Variants in MBOAT2 observed in about 807,000 individuals in gnomAD.
MBOAT2 encodes the protein membrane-bound glycerophospholipid O-acyltransferase 2.
A neutral mutation model predicts 63.4 loss-of-function variants in MBOAT2; 28 were observed. That is an observed-to-expected ratio of 0.44 (90% CI 0.33 to 0.61). MBOAT2 has a LOEUF of 0.61. MBOAT2 is among the 20% of genes least tolerant of loss of function. MBOAT2 has a pLI of 0.03. For missense variants in MBOAT2, 470 were observed against 605.8 expected, an observed-to-expected ratio of 0.78 and a Z score of 2.35; for synonymous variants, 211 against 215.6, an observed-to-expected ratio of 0.98 and a Z score of 0.19.
chr2:8,930,312 T>C (rs1667226495), intron 3 of MBOAT2, among the ~76,000 whole-genome samples: 1 of 152,216 alleles, frequency 6.6e-6, no homozygotes, highest in African/African-American at 2.4e-5. Context: ...TTCCCACCTA[T>C]GAGTGAGAAC....
intron 1 of MBOAT2, among the ~76,000 whole-genome samples, chr2:8,978,870 G>A (rs187597303): frequency 3.9e-5 from 6 of 152,060 alleles, no homozygotes; most frequent in Admixed American, 1.3e-4. Context: ...AAAAGGTGGT[G>A]GGGGGAGGCA....
intron 4 of MBOAT2, among the ~76,000 whole-genome samples, chr2:8,899,926 C>T (rs1028306720): frequency 1.3e-5 from 2 of 152,118 alleles, no homozygotes; most frequent in Admixed American, 6.5e-5. Flanking sequence ...CCAGGGCTTG[C>T]TTTTGGAGCT....
intron 3 of MBOAT2, among the ~76,000 whole-genome samples, chr2:8,922,309 T>C (rs1248667876): frequency 6.6e-6 from 1 of 152,222 alleles, no homozygotes; most frequent in African/African-American, 2.4e-5. Flanking sequence ...ATAATAGTTG[T>C]TTTGTCTGGT....
chr2:8,935,121 G>A lies in MBOAT2; in HGVS notation c.299+8066C>T, dbSNP rs560525953. ...CCCCACTTTGCCAGTTACCATGTCC[G>A]CTGACCTGTGGAGAGCCTAAGAGGA... On this transcript the variant is annotated intron_variant, in intron 3 of 12. Coordinates refer to ENST00000305997, the MANE Select transcript of MBOAT2 (RefSeq NM_138799.4). Among the ~76,000 whole-genome samples, 19 of 152,242 alleles carry A rather than the reference G, an allele frequency of 1.2e-4. No homozygotes were observed. In the South Asian group the frequency reaches 3.3e-3, roughly 27 times the overall value.
intron 1 of MBOAT2, among the ~76,000 whole-genome samples, chr2:8,981,665 G>C (rs1205337607): frequency 6.6e-6 from 1 of 152,072 alleles, no homozygotes; most frequent in Non-Finnish European, 1.5e-5. Context: ...GTAGGGCAGT[G>C]GGATAAAGAG....
Position 8,943,179 on chromosome 2 carries a change from ATACT to A in MBOAT2, c.299+4_299+7del. On this transcript the variant is annotated splice_donor_5th_base_variant and intron_variant, in intron 3 of 12. Transcript: ENST00000305997. ...ATATATTTTCATGTGAACAAAGTGA[ATACT>A]TACTTGTGCATGTTCTCCACTCCTA... The A allele has an allele frequency of 6.6e-7, 1 of 1,503,786 alleles. No individual in the cohort carries two copies. Among genetic ancestry groups the A allele is most frequent in the Non-Finnish European group, 9.0e-7 (1 of 1,108,608 alleles). The allele number at this position is 1,503,786 out of a possible 1,614,324, so 93.2% of individuals were successfully genotyped here. A position where few individuals can be genotyped will look rare whatever the true frequency, so the allele number is the denominator to read the frequency against.
intron 1 of MBOAT2, among the ~76,000 whole-genome samples, chr2:8,980,093 T>G (rs542648831): frequency 7.2e-5 from 11 of 152,320 alleles, no homozygotes; most frequent in African/African-American, 2.6e-4. Flanking sequence ...AGTTTTGGTA[T>G]GCTGCAAGTA....
In MBOAT2 at chr2:8,877,212, G is replaced by C; in HGVS notation, c.508C>G (p.Arg170Gly). 1 of 1,608,106 alleles carries C rather than the reference G, an allele frequency of 6.2e-7. No homozygotes were observed. Among genetic ancestry groups the C allele is most frequent in the South Asian group, 1.1e-5 (1 of 89,712 alleles). Reference protein sequence around the residue: ...TSSQRDLAVRRMPSLLEYLSY... With the variant: ...TSSQRDLAVRGMPSLLEYLSY... ...AAATACTCCAGTAAGCTTGGCATGCGCCTGCAATGAAAAGACATGCAACCA... is the reference window on the plus strand; with the variant it reads ...AAATACTCCAGTAAGCTTGGCATGCCCCTGCAATGAAAAGACATGCAACCA... The change falls in exon 7 of 13, where the codon CGC (arginine) becomes GGC (glycine). Residue 170 changes from arginine (R) to glycine (G), a missense_variant and splice_region_variant. Physicochemically the swap from Arg to Gly is moderately radical, Grantham distance 125. This residue lies in a region of MBOAT2 where 376 missense variants were observed against 503.8 expected (regional missense o/e 0.75). Coordinates refer to ENST00000305997, the MANE Select transcript of MBOAT2 (RefSeq NM_138799.4).
chr2:8,930,812 T>C (rs377693787), intron 3 of MBOAT2, among the ~76,000 whole-genome samples: 3 of 152,002 alleles, frequency 2.0e-5, no homozygotes, highest in African/African-American at 7.2e-5. Flanking sequence ...CAGGTATACA[T>C]ATGTAACAAA....
chr2:8,918,542 TTC>T (rs1401719925), intron 3 of MBOAT2, among the ~76,000 whole-genome samples: 32 of 152,298 alleles, frequency 2.1e-4, no homozygotes, highest in South Asian at 1.5e-3. Context: ...GCCACAAACT[TTC>T]TGTTTGTTTA....
chr2:8,972,102 A>T (rs1345184521), intron 1 of MBOAT2, among the ~76,000 whole-genome samples: 1 of 152,252 alleles, frequency 6.6e-6, no homozygotes, highest in Admixed American at 6.5e-5. Flanking sequence ...GCATCACGCT[A>T]CCTGACTTCA....
chr2:8,950,333 T>C (rs1034210408), intron 2 of MBOAT2, among the ~76,000 whole-genome samples: 4 of 152,184 alleles, frequency 2.6e-5, no homozygotes, highest in Admixed American at 6.5e-5. Context: ...TTAATTGCTG[T>C]GGCTAGCACT....
At chr2:8,964,170 C>T (rs770954006) in intron 1 of MBOAT2, among the ~76,000 whole-genome samples, 3 of 152,200 alleles carry the variant, frequency 2.0e-5, no homozygotes, top group Non-Finnish European at 2.9e-5. Context: ...TCCTTCCACC[C>T]CTCCCACAAA....
At position 8,858,658 on chromosome 2, in the gene MBOAT2, C is replaced by T. The variant is rs777469551; in HGVS notation, c.*21G>A. ...TTCTGTTAACATCAAAAAAAAAAAA[C>T]AGCCCTCAGAGCCTTCCCGATCACT... On this transcript the variant is annotated 3_prime_UTR_variant, in exon 13 of 13. Coordinates refer to ENST00000305997, the MANE Select transcript of MBOAT2 (RefSeq NM_138799.4). The T allele has an allele frequency of 1.4e-6, 2 of 1,393,282 alleles. No homozygotes were observed. Among genetic ancestry groups the T allele is most frequent in the South Asian group, 1.4e-5 (1 of 73,666 alleles). 86.3% of individuals were successfully genotyped at this position (1,393,282 alleles called of 1,614,324 possible). A position where few individuals can be genotyped will look rare whatever the true frequency, so the allele number is the denominator to read the frequency against.
chr2:8,973,399 T>G (rs1270589908), intron 1 of MBOAT2, among the ~76,000 whole-genome samples: 2 of 149,906 alleles, frequency 1.3e-5, no homozygotes, highest in African/African-American at 2.4e-5. Context: ...GGGATAGCAT[T>G]AGGAGATATA....
chr2:8,994,532 G>A (rs984974969), intron 1 of MBOAT2, among the ~76,000 whole-genome samples: 1 of 152,226 alleles, frequency 6.6e-6, no homozygotes, highest in Non-Finnish European at 1.5e-5. Flanking sequence ...GAGAGAGGCA[G>A]ATCAGGAATA....
intron 3 of MBOAT2, among the ~76,000 whole-genome samples, chr2:8,910,287 G>A (rs1665625503): frequency 1.3e-5 from 2 of 152,082 alleles, no homozygotes; most frequent in South Asian, 2.1e-4. Context: ...AAGGAAGGAA[G>A]GAAAGAGGGG....
At chr2:8,911,050 T>C (rs1424350539) in intron 3 of MBOAT2, among the ~76,000 whole-genome samples, 1 of 152,176 alleles carries the variant, frequency 6.6e-6, no homozygotes, top group Non-Finnish European at 1.5e-5. Flanking sequence ...CTGTCTAGAT[T>C]TCACAATCAC....
chr2:8,905,657 T>C (rs1231769224), intron 4 of MBOAT2, among the ~76,000 whole-genome samples: 1 of 151,624 alleles, frequency 6.6e-6, no homozygotes, highest in African/African-American at 2.4e-5. Flanking sequence ...GCCTGTTGTG[T>C]GGTGGGGGGA....
Sources: gnomAD v4.1 joint callset for allele counts (sites outside exome capture counted in the v4.1 genomes callset) on GRCh38, gnomAD v4.1.1 for gene constraint, gnomAD v4.1.1 regional missense constraint, MANE v1.5 for transcripts, NCBI Gene and HGNC (gene_info 2026-07-23, HGNC 2026-07-21) for gene names.